The following VWF variants were observed in gnomAD, a reference collection of about 807,000 sequenced individuals.
The protein encoded by VWF is von Willebrand factor, also known as Factor VIII related antigen.
In VWF, 176 loss-of-function variants were observed where a neutral mutation model predicts 308.6. The ratio of observed to expected loss-of-function variants is 0.57; its 90% CI spans 0.50 to 0.65. VWF has a LOEUF of 0.65. Ranked by LOEUF, VWF falls within the 30% of genes least tolerant of loss-of-function variation. The pLI is 0.00. For synonymous variants in VWF, 1,385 were observed against 1,443.4 expected (o/e 0.96, Z 0.92); for missense variants, 3,146 against 3,648.2 (o/e 0.86, Z 3.55).
At chr12:5,971,564 C>G in intron 44 of VWF, 35 bp downstream of exon 44, 1 of 1,572,884 alleles carries the variant, frequency 6.4e-7, no homozygotes, top group Non-Finnish European at 8.7e-7. Flanking sequence ...TGGCCCCAAT[C>G]TGCCCTCCTC....
rs552315432 is a variant in VWF, at chr12:6,065,138, T to G, written c.1292A>C (p.Gln431Pro). Reference protein sequence around the residue: ...HSFSIVIETVQCADDRDAVCT... With the variant: ...HSFSIVIETVPCADDRDAVCT... ...AGCAGCCGGGCTGGCAAAGCTCACC[T>G]GGACAGTCTCAATGACAATGGAGAA... The change falls in exon 11 of 52, where the codon CAG becomes CCG. Residue 431 changes from glutamine (Q) to proline (P), a missense_variant and splice_region_variant. Coordinates refer to ENST00000261405, the MANE Select transcript of VWF (RefSeq NM_000552.5). The G allele has an allele frequency of 6.2e-7, 1 of 1,614,106 alleles. No individual in the cohort carries two copies. Among genetic ancestry groups the G allele is most frequent in the East Asian group, 2.2e-5 (1 of 44,890 alleles).
chr12:5,980,085 AGAAAGAAAG>A (rs1426919926), intron 42 of VWF, among the ~76,000 whole-genome samples: 2 of 75,466 alleles, frequency 2.7e-5, no homozygotes, highest in African/African-American at 5.0e-5. Flanking sequence ...AAGAAAGAAA[AGAAAGAAAG>A]GAAGGAAGGA....
At chr12:6,003,687 C>A (rs1373789349) in intron 34 of VWF, among the ~76,000 whole-genome samples, 3 of 151,864 alleles carry the variant, frequency 2.0e-5, no homozygotes, top group Admixed American at 1.3e-4. Context: ...TTGCCAGGGG[C>A]TGGAGGAAGG....
In VWF at chr12:6,070,682, C is replaced by A. The variant is rs144680368; in HGVS notation, c.1156+615G>T. Among the ~76,000 whole-genome samples, 464 of 152,292 alleles carry A rather than the reference C, an allele frequency of 3.0e-3. 4 individuals carry two copies. The highest frequency in any genetic ancestry group is 0.01 in the African/African-American group (421 of 41,550). ...GGTCTGAGGTCATTGGAAGGTGGGGCAGAAGGGAGCTTTGAATGGGCAAGG... is the reference window on the plus strand; with the variant it reads ...GGTCTGAGGTCATTGGAAGGTGGGGAAGAAGGGAGCTTTGAATGGGCAAGG... On this transcript the variant is annotated intron_variant, in intron 10 of 51. Transcript: ENST00000261405.
intron 22 of VWF, among the ~76,000 whole-genome samples, chr12:6,027,849 TACACACACAC>T (rs138442170): frequency 3.0e-5 from 4 of 131,182 alleles, no homozygotes; most frequent in Non-Finnish European, 6.8e-5. Flanking sequence ...GGAAGACACA[TACACACACAC>T]ACACACACAC....
chr12:6,031,039 A>T (rs1240505601), intron 21 of VWF, among the ~76,000 whole-genome samples: 1 of 152,202 alleles, frequency 6.6e-6, no homozygotes, highest in African/African-American at 2.4e-5. Context: ...TCAAAAAAAT[A>T]AAGTATTTAT....
chr12:6,075,666 G>T lies in VWF; in HGVS notation c.658-115C>A. The T allele has an allele frequency of 1.7e-6, 2 of 1,145,820 alleles. No individual in the cohort carries two copies. Among genetic ancestry groups the T allele is most frequent in the Non-Finnish European group, 2.6e-6 (2 of 782,076 alleles). 71.0% of individuals were successfully genotyped at this position (1,145,820 alleles called of 1,614,324 possible). On this transcript the variant is annotated intron_variant, in intron 6 of 51. Transcript: ENST00000261405. The surrounding 1 kb of genome is among the most constrained non-coding windows in gnomAD (Gnocchi z 4.7). ...GCAGCTCCCTCAGCACCTGGGACAGGCTGGCACCAAGCACATGCATGTGTT... is the reference window on the plus strand; with the variant it reads ...GCAGCTCCCTCAGCACCTGGGACAGTCTGGCACCAAGCACATGCATGTGTT...
rs529227474 is a variant in VWF, at chr12:6,023,741, G to T, written c.3269C>A (p.Ser1090Tyr). The part of the protein sequence containing the change: ...YLDVCIYDTC[S>Y]CESIGDCACF... Reference sequence around the variant, plus strand: ...GGCGCAGTCCCCAATGGACTCACAGGAGCAGGTGTCGTAAATGCAGACATC... The same window carrying T: ...GGCGCAGTCCCCAATGGACTCACAGTAGCAGGTGTCGTAAATGCAGACATC... The change falls in exon 25 of 52, where the codon TCC (serine) becomes TAC (tyrosine). Residue 1090 changes from serine (S) to tyrosine (Y), a missense_variant. Physicochemically the swap from Ser to Tyr is moderately radical, Grantham distance 144. Transcript: ENST00000261405. 6.2e-7 allele frequency: 1 copy of T among 1,613,520 alleles called. No homozygotes were observed.
chr12:6,021,638 A>C (rs1186655463), intron 27 of VWF: 11 of 444,890 alleles, frequency 2.5e-5, no homozygotes, highest in Non-Finnish European at 2.0e-5. Flanking sequence ...GGACTTAAAA[A>C]CCTATTAAGA....
rs1944620565 is a variant in VWF at position 6,058,643 on chromosome 12, A to G, written c.1534-599T>C. ...AGGCCCTGGGCATCACTGAAGAGAA[A>G]GGGCCACGAGCCACAGAAGACTCTG... On this transcript the variant is annotated intron_variant, in intron 13 of 51. Coordinates refer to ENST00000261405, the MANE Select transcript of VWF (RefSeq NM_000552.5). This position sits in a 1 kb window ranked among gnomAD's most constrained non-coding sequence, Gnocchi z 4.9. Among the ~76,000 whole-genome samples the G allele has an allele frequency of 6.6e-6, 1 of 152,172 alleles. No individual in the cohort carries two copies. Among genetic ancestry groups the G allele is most frequent in the Admixed American group, 6.5e-5 (1 of 15,284 alleles).
At chr12:6,018,067 T>C (rs1944082570) in intron 28 of VWF, among the ~76,000 whole-genome samples, 1 of 152,098 alleles carries the variant, frequency 6.6e-6, no homozygotes, top group South Asian at 2.1e-4. Context: ...TGCATTTTTT[T>C]TTTTTTTTTA....
chr12:6,062,634 C>T (rs1003445435), intron 13 of VWF, among the ~76,000 whole-genome samples: 2 of 152,164 alleles, frequency 1.3e-5, no homozygotes, highest in African/African-American at 2.4e-5. Flanking sequence ...CAGGGAGACA[C>T]CCCTGCTCCC....
At chr12:6,033,701 G>A (rs79073055) in intron 20 of VWF, among the ~76,000 whole-genome samples, 1 of 152,322 alleles carries the variant, frequency 6.6e-6, no homozygotes, top group East Asian at 1.9e-4. Context: ...GTGAGGTGGG[G>A]ACTGAGGAGG....
chr12:6,021,122 A>G (rs1166311733), intron 27 of VWF: 1 of 152,018 alleles, frequency 6.6e-6, no homozygotes, highest in Admixed American at 6.5e-5. Flanking sequence ...TAGAAAACTC[A>G]CCCCAGGCAG....
chr12:6,023,956 T>G (rs1944162828), intron 24 of VWF, among the ~76,000 whole-genome samples, 169 bp from the exon 25 acceptor site: 1 of 152,196 alleles, frequency 6.6e-6, no homozygotes, highest in African/African-American at 2.4e-5. Context: ...AAGGCAAGAT[T>G]CTTAGTTTCT....
rs772371331 is a variant in VWF at position 6,022,054 on chromosome 12, A to G, written c.3539-19T>C. On this transcript the variant is annotated intron_variant, in intron 26 of 51. Coordinates refer to ENST00000261405, the MANE Select transcript of VWF (RefSeq NM_000552.5). ...ATTTTCCCTGCAAAAGAAAGCTCTC[A>G]TTAGGAACCAAAACGCTCCCCTTTC... 5 of 1,614,010 alleles carry G rather than the reference A, an allele frequency of 3.1e-6. No homozygotes were observed. The Admixed American group carries it at 5.0e-5, about 16-fold the overall frequency.
intron 16 of VWF, among the ~76,000 whole-genome samples, chr12:6,049,031 T>A (rs886136545): frequency 6.6e-6 from 1 of 152,204 alleles, no homozygotes; most frequent in Admixed American, 6.5e-5. Flanking sequence ...CTGAGCCTGG[T>A]CTGCAGAAGA....
chr12:5,975,023 A>G (rs1250563339), intron 43 of VWF, among the ~76,000 whole-genome samples: 1 of 152,228 alleles, frequency 6.6e-6, no homozygotes, highest in Admixed American at 6.5e-5. Context: ...CTGGCCTCAG[A>G]TGGCCTGTGA....
chr12:5,953,839 C>T (rs1300101550), intron 47 of VWF: 2 of 511,486 alleles, frequency 3.9e-6, no homozygotes, highest in Non-Finnish European at 7.1e-6. Flanking sequence ...AGACCTTTTC[C>T]CTGAGCTTCA....
Sources: gnomAD v4.1 joint callset for allele counts (sites outside exome capture counted in the v4.1 genomes callset) on GRCh38, gnomAD v4.1.1 for gene constraint, Gnocchi (gnomAD v3.1) non-coding constraint, MANE v1.5 for transcripts, NCBI Gene and HGNC (gene_info 2026-07-23, HGNC 2026-07-21) for gene names.